IL36B: variants seen among roughly 807,000 people sequenced by gnomAD.
The protein encoded by IL36B is interleukin-36 beta.
Under a neutral mutation model 19.3 loss-of-function variants are expected in IL36B, and 23 were observed. The observed-to-expected ratio is 1.19, with a 90% CI of 0.86 to 1.69. The LOEUF (loss-of-function observed/expected upper bound fraction) is 1.69. Ranked by LOEUF, IL36B falls within the 40% of genes most tolerant of loss-of-function variation. The pLI is 0.00. For synonymous variants in IL36B, 59 were observed against 59.7 expected (o/e 0.99, Z 0.05); for missense variants, 217 against 200.5 (o/e 1.08, Z -0.50).
chr2:113,048,301 G>C (rs965186998), intron 1 of IL36B, among the ~76,000 whole-genome samples: 12 of 152,250 alleles, frequency 7.9e-5, no homozygotes, highest in African/African-American at 2.6e-4. Flanking sequence ...AGTTAGCCAG[G>C]CATGGTGGCA....
intron 1 of IL36B, among the ~76,000 whole-genome samples, chr2:113,045,159 A>T (rs1685328270): frequency 6.6e-6 from 1 of 152,136 alleles, no homozygotes; most frequent in African/African-American, 2.4e-5. Flanking sequence ...TCTTATTTCC[A>T]TACAGTATTA....
At position 113,042,176 on chromosome 2, in the gene IL36B, G is replaced by A. The variant is rs564558461; in HGVS notation, c.-57-10410C>T. Among the ~76,000 whole-genome samples, 4 of 152,204 alleles carry A rather than the reference G, an allele frequency of 2.6e-5. No individual in the cohort carries two copies. In the East Asian group the frequency reaches 7.7e-4, roughly 29 times the overall value. ...CATTCACCTGTCACCCTATGTTGTC[G>A]TATCCAGAATGGAACCTCTATTAGG... On this transcript the variant is annotated intron_variant, in intron 1 of 5. Coordinates refer to ENST00000259213, the MANE Select transcript of IL36B (RefSeq NM_014438.5).
rs765333587 is a variant in IL36B, at chr2:113,031,686, T to C, written c.13+11A>G. The stretch of plus-strand genomic sequence containing the variant: ...AGATATTTCCAAGCTGATTTGCAAT[T>C]CACCACTTACGTTGTGGGTTCATGA... On this transcript the variant is annotated intron_variant, in intron 2 of 5. Coordinates refer to ENST00000259213, the MANE Select transcript of IL36B (RefSeq NM_014438.5). The C allele has an allele frequency of 2.5e-6, 4 of 1,608,412 alleles. No individual in the cohort carries two copies. Among genetic ancestry groups the C allele is most frequent in the Non-Finnish European group, 3.4e-6 (4 of 1,175,236 alleles).
intron 5 of IL36B, chr2:113,026,080 G>T (rs1358422450): frequency 6.2e-7 from 1 of 1,611,194 alleles, no homozygotes; most frequent in African/African-American, 1.3e-5. Flanking sequence ...CCTGTGGGAT[G>T]GATAAGAGAA....
At chr2:113,027,443 A>G (rs12711747) in intron 4 of IL36B, 572,466 of 1,001,684 alleles carry the variant, frequency 0.57, 166,083 homozygotes, top group East Asian at 0.91. Context: ...TTAGGATTAG[A>G]AAGACATGCA....
At chr2:113,027,742 A>G (rs1684990363) in intron 4 of IL36B, 11 of 1,445,384 alleles carry the variant, frequency 7.6e-6, no homozygotes, top group Non-Finnish European at 1.0e-5. Context: ...TGGTACAGAA[A>G]TGGATGTTTG....
At position 113,044,952 on chromosome 2, in the gene IL36B, T is replaced by C. The variant is rs1685324519; in HGVS notation, c.-58+7865A>G. Among the ~76,000 whole-genome samples the C allele has an allele frequency of 2.0e-5, 3 of 152,198 alleles. No individual in the cohort carries two copies. In the South Asian group the frequency reaches 6.2e-4, roughly 31 times the overall value. On this transcript the variant is annotated intron_variant, in intron 1 of 5. Coordinates refer to ENST00000259213, the MANE Select transcript of IL36B (RefSeq NM_014438.5). ...CACAGTCTCCCATAGTAAAATAATA[T>C]ACTTTCATTTCTCCCCTCCTAAACC...
At chr2:113,023,728 C>G (rs1684903250) in intron 5 of IL36B, among the ~76,000 whole-genome samples, 2 of 152,142 alleles carry the variant, frequency 1.3e-5, no homozygotes, top group African/African-American at 2.4e-5. Context: ...CTAGAGTTGA[C>G]TTTGAAGTAT....
chr2:113,027,559 C>A, intron 4 of IL36B: 1 of 1,083,714 alleles, frequency 9.2e-7, no homozygotes, highest in Non-Finnish European at 1.1e-6. Flanking sequence ...GAATCCACAT[C>A]TCTACATCAT....
chr2:113,026,473 G>T (rs901594504), intron 4 of IL36B, among the ~76,000 whole-genome samples: 2 of 152,194 alleles, frequency 1.3e-5, no homozygotes, highest in Non-Finnish European at 2.9e-5. Context: ...GGTACCCATT[G>T]CAAGACCCAA....
At chr2:113,034,781 G>T (rs1187081843) in intron 1 of IL36B, among the ~76,000 whole-genome samples, 1 of 152,206 alleles carries the variant, frequency 6.6e-6, no homozygotes, top group African/African-American at 2.4e-5. Context: ...CTCTCCTATC[G>T]CCAGGATGGA....
chr2:113,031,678 T>G lies in IL36B; in HGVS notation c.13+19A>C. Reference sequence around the variant, plus strand: ...TCAGATGGAGATATTTCCAAGCTGATTTGCAATTCACCACTTACGTTGTGG... The same window carrying G: ...TCAGATGGAGATATTTCCAAGCTGAGTTGCAATTCACCACTTACGTTGTGG... On this transcript the variant is annotated intron_variant, in intron 2 of 5. Transcript: ENST00000259213. 1 of 1,604,720 alleles carries G rather than the reference T, an allele frequency of 6.2e-7. No homozygotes were observed. Among genetic ancestry groups the G allele is most frequent in the Non-Finnish European group, 8.5e-7 (1 of 1,171,890 alleles).
chr2:113,030,539 C>CA (rs1685052170), intron 3 of IL36B, among the ~76,000 whole-genome samples: 1 of 152,074 alleles, frequency 6.6e-6, no homozygotes, highest in African/African-American at 2.4e-5. Context: ...GTCCAGTAAA[C>CA]AAAGGTGGAA....
rs149018377 is a variant in IL36B, at chr2:113,026,128, G to T, written c.366C>A (p.Thr122=). The change falls in exon 5 of 6, where the codon ACC becomes ACA. Residue 122 remains threonine, a synonymous_variant. Coordinates refer to ENST00000259213, the MANE Select transcript of IL36B (RefSeq NM_014438.5). The stretch of plus-strand genomic sequence containing the variant: ...CCACTCCTATTCCCCATTGGTCAAG[G>T]GTTCCCATGAAGCAGCTCTCTCTCA... 7.5e-4 allele frequency: 1,217 copies of T among 1,613,832 alleles called. 8 individuals carry two copies. Among genetic ancestry groups the T allele is most frequent in the Non-Finnish European group, 1.3e-4 (150 of 1,179,800 alleles).
intron 4 of IL36B, chr2:113,027,435 A>T: frequency 2.0e-6 from 2 of 991,792 alleles, no homozygotes; most frequent in Non-Finnish European, 2.4e-6. Flanking sequence ...AGAATTCATT[A>T]GGATTAGAAA....
At chr2:113,041,485 T>G (rs1010710123) in intron 1 of IL36B, among the ~76,000 whole-genome samples, 1 of 152,146 alleles carries the variant, frequency 6.6e-6, no homozygotes, top group Non-Finnish European at 1.5e-5. Flanking sequence ...AGCTAAAACC[T>G]TAGCGCTTTT....
intron 1 of IL36B, among the ~76,000 whole-genome samples, chr2:113,043,560 TA>T (rs1558836582): frequency 6.6e-6 from 1 of 152,148 alleles, no homozygotes; most frequent in Non-Finnish European, 1.5e-5. Flanking sequence ...CCACTGATTG[TA>T]TTTGTTGTTG....
chr2:113,034,474 G>A (rs1371290853), intron 1 of IL36B, among the ~76,000 whole-genome samples: 5 of 135,768 alleles, frequency 3.7e-5, no homozygotes, highest in Admixed American at 3.1e-4. Flanking sequence ...TTTGGAAAAT[G>A]TATTTATCCA....
At chr2:113,026,437 G>T (rs945710831) in intron 4 of IL36B, among the ~76,000 whole-genome samples, 1 of 152,162 alleles carries the variant, frequency 6.6e-6, no homozygotes, top group African/African-American at 2.4e-5. Flanking sequence ...AATTATGCCT[G>T]GCTGAGAAAT....
Sources: allele counts gnomAD v4.1 joint callset (sites outside exome capture counted in the v4.1 genomes callset), GRCh38; gene constraint gnomAD v4.1.1; transcripts MANE v1.5; gene names NCBI Gene and HGNC (gene_info 2026-07-23, HGNC 2026-07-21).